Variants in ATP11A observed in about 807,000 individuals in gnomAD.
The protein encoded by ATP11A is phospholipid-transporting ATPase IH.
In ATP11A, 81 loss-of-function variants were observed where a neutral mutation model predicts 154.4. The observed-to-expected ratio is 0.52, with a 90% CI of 0.44 to 0.63. The LOEUF is 0.63. Among genes scored for constraint, ATP11A ranks in the 30% least tolerant of loss-of-function variants. The probability of loss-of-function intolerance (pLI) is 0.00; values close to 1 mark genes in which losing one functional copy is unlikely to be tolerated. For missense variants in ATP11A, 1,316 were observed against 1,474.3 expected (o/e 0.89, Z 1.76); for synonymous variants, 623 against 585.9 (o/e 1.06, Z -0.91).
chr13:112,772,395 A>T (rs73567138), intron 1 of ATP11A, among the ~76,000 whole-genome samples: 6,756 of 152,288 alleles, frequency 0.044, 471 homozygotes, highest in African/African-American at 0.15. Context: ...GCCTGTCGCG[A>T]GTGTGTAGGA....
rs776752208 is a variant in ATP11A, at chr13:112,851,111, G to A, written c.1884G>A (p.Leu628=). ...AATATGAAGGCATTTGTAAGCTGCT[G>A]CAGGCTGCCAAAGTGGCCCTTCAAG... is the stretch of plus-strand genomic sequence containing the variant. ...QEEYEGICKL[L]QAAKVALQDR... is the part of the protein sequence containing the mutation. The change falls in exon 18 of 30, where the codon CTG becomes CTA. Residue 628 remains leucine (L), a synonymous_variant. Transcript: ENST00000375645. The A allele has an allele frequency of 6.2e-7, 1 of 1,614,238 alleles. No homozygotes were observed. Among genetic ancestry groups the A allele is most frequent in the East Asian group, 2.2e-5 (1 of 44,888 alleles).
intron 1 of ATP11A, among the ~76,000 whole-genome samples, chr13:112,695,177 C>T (rs1006887588): frequency 6.6e-6 from 1 of 152,192 alleles, no homozygotes; most frequent in Non-Finnish European, 1.5e-5. Flanking sequence ...GGAGTCTACA[C>T]CACAGGAGCA....
chr13:112,882,318 T>A lies in ATP11A; in HGVS notation c.*452T>A. ...TGTGTCTTCACCCACCTGCCATCAT[T>A]GGCCTTTGCTGTCACTGGGAGAGAA... On this transcript the variant is annotated 3_prime_UTR_variant, in exon 30 of 30. Coordinates refer to ENST00000375645, the MANE Select transcript of ATP11A (RefSeq NM_015205.3). This position sits in a 1 kb window ranked among gnomAD's most constrained non-coding sequence, Gnocchi z 5.1. 1 of 381,208 alleles carries A rather than the reference T, an allele frequency of 2.6e-6. No homozygotes were observed. Among genetic ancestry groups the A allele is most frequent in the Non-Finnish European group, 4.9e-6 (1 of 204,484 alleles). The allele number at this position is 381,208 out of a possible 1,614,324, so 23.6% of individuals were successfully genotyped here.
chr13:112,775,906 G>C (rs962447946), intron 1 of ATP11A, among the ~76,000 whole-genome samples: 2 of 152,184 alleles, frequency 1.3e-5, no homozygotes, highest in East Asian at 1.9e-4. Flanking sequence ...AGAACAGCAA[G>C]TACGCCCCCG....
At chr13:112,774,036 C>T (rs566291995) in intron 1 of ATP11A, among the ~76,000 whole-genome samples, 2 of 152,332 alleles carry the variant, frequency 1.3e-5, no homozygotes, top group East Asian at 1.9e-4. Flanking sequence ...CCCTGCTTCC[C>T]GTCCACCTCA....
chr13:112,717,567 C>T (rs1006232242), intron 1 of ATP11A: 1 of 152,200 alleles, frequency 6.6e-6, no homozygotes, highest in Non-Finnish European at 1.5e-5. Context: ...TCACATTGTA[C>T]ATTACAAACA....
At chr13:112,734,573 C>T (rs375349876) in intron 1 of ATP11A, among the ~76,000 whole-genome samples, 28 of 152,208 alleles carry the variant, frequency 1.8e-4, no homozygotes, top group East Asian at 9.6e-4. Context: ...CTGACTGTAT[C>T]GGACTCAAAA....
chr13:112,881,497 G>A (rs199897071), intron 29 of ATP11A: 61 of 1,103,930 alleles, frequency 5.5e-5, no homozygotes, highest in East Asian at 5.1e-4. Flanking sequence ...GAGGAAGCTC[G>A]TAGGTTTCCC....
chr13:112,739,588 T>C (rs1254420301), intron 1 of ATP11A, among the ~76,000 whole-genome samples: 1 of 152,142 alleles, frequency 6.6e-6, no homozygotes, highest in Admixed American at 6.5e-5. Context: ...ATATGAAGAG[T>C]TACCAATATG....
rs1423905586 is a variant in ATP11A at position 112,824,244 on chromosome 13, C to T, written c.791-100C>T. Reference sequence around the variant, plus strand: ...CTTATGAAATTAAAAATAGGATTCGCTTTACCCAAGAATTGATTTTCCCCG... The same window carrying T: ...CTTATGAAATTAAAAATAGGATTCGTTTTACCCAAGAATTGATTTTCCCCG... On this transcript the variant is annotated intron_variant, in intron 9 of 29. Coordinates refer to ENST00000375645, the MANE Select transcript of ATP11A (RefSeq NM_015205.3). 3.3e-6 allele frequency: 3 copies of T among 913,692 alleles called. No homozygotes were observed. The Admixed American group carries it at 5.4e-5, about 16-fold the overall frequency. The allele number at this position is 913,692 out of a possible 1,614,324, so 56.6% of individuals were successfully genotyped here. A position where few individuals can be genotyped will look rare whatever the true frequency, so the allele number is the denominator to read the frequency against.
intron 2 of ATP11A, among the ~76,000 whole-genome samples, chr13:112,789,410 C>T (rs2077768210): frequency 6.8e-6 from 1 of 147,764 alleles, no homozygotes; most frequent in Non-Finnish European, 1.5e-5. Flanking sequence ...GACATGTAGA[C>T]CCCTGTGGAG....
intron 26 of ATP11A, among the ~76,000 whole-genome samples, chr13:112,872,448 T>TA (rs1188762421): frequency 2.0e-5 from 3 of 152,122 alleles, no homozygotes; most frequent in Non-Finnish European, 4.4e-5. Context: ...CCATCTTTAC[T>TA]AAAAACACAA....
At chr13:112,856,187 G>A (rs1200099138) in intron 20 of ATP11A, 102 bp downstream of exon 20, 1 of 1,172,786 alleles carries the variant, frequency 8.5e-7, no homozygotes, top group Non-Finnish European at 1.2e-6. Flanking sequence ...AATCTAGCAG[G>A]GTACCACCTG....
chr13:112,878,147 C>CCG (rs2080784828), intron 28 of ATP11A, 70 bp from the exon 29 acceptor site: 1 of 1,417,856 alleles, frequency 7.1e-7, no homozygotes, highest in Non-Finnish European at 1.0e-6. Flanking sequence ...CGTCTTCCGA[C>CCG]CGCTTTGCCT....
At chr13:112,718,742 C>T (rs957459126) in intron 1 of ATP11A, among the ~76,000 whole-genome samples, 7 of 149,564 alleles carry the variant, frequency 4.7e-5, no homozygotes, top group Admixed American at 1.3e-4. Flanking sequence ...ACGATCTTGG[C>T]TCACTGCAAC....
Position 112,696,477 on chromosome 13 carries a change from G to T in ATP11A, c.39+6022G>T, listed in dbSNP as rs548419231. 4.7e-3 allele frequency among the ~76,000 whole-genome samples: 713 copies of T among 152,186 alleles called. 6 individuals are homozygous for T. Among genetic ancestry groups the T allele is most frequent in the African/African-American group, 0.016 (679 of 41,532 alleles). On this transcript the variant is annotated intron_variant, in intron 1 of 29. Transcript: ENST00000375645. This position sits in a 1 kb window ranked among gnomAD's most constrained non-coding sequence, Gnocchi z 6.2. ...ACCCGTTCTGCCGAAGTCCAGTCCCGTGTGTGCTGCGGCCCCGTCTCTCTC... is the reference window on the plus strand; with the variant it reads ...ACCCGTTCTGCCGAAGTCCAGTCCCTTGTGTGCTGCGGCCCCGTCTCTCTC...
chr13:112,785,004 GC>G lies in ATP11A; in HGVS notation c.40-128del. On this transcript the variant is annotated intron_variant, in intron 1 of 29. Coordinates refer to ENST00000375645, the MANE Select transcript of ATP11A (RefSeq NM_015205.3). The surrounding 1 kb of genome is among the most constrained non-coding windows in gnomAD (Gnocchi z 4.8). ...GTGCTGGGCCCCAGGTCTCCCTGCA[GC>G]CCTGAACGATGCTCTCAGCAGCAGG... is the stretch of plus-strand genomic sequence containing the variant. 8.2e-7 allele frequency: 1 copy of G among 1,214,394 alleles called. No homozygotes were observed. Among genetic ancestry groups the G allele is most frequent in the Non-Finnish European group, 1.1e-6 (1 of 935,078 alleles). The allele number at this position is 1,214,394 out of a possible 1,614,324, so 75.2% of individuals were successfully genotyped here. A position where few individuals can be genotyped will look rare whatever the true frequency, so the allele number is the denominator to read the frequency against.
intron 5 of ATP11A, chr13:112,812,247 C>CG (rs1302375279): frequency 2.0e-5 from 3 of 152,098 alleles, no homozygotes; most frequent in African/African-American, 7.2e-5. Context: ...GTCAAGGTAG[C>CG]GGTCAGCAGC....
At chr13:112,791,382 C>T (rs905777722) in intron 2 of ATP11A, among the ~76,000 whole-genome samples, 4 of 152,232 alleles carry the variant, frequency 2.6e-5, no homozygotes, top group Non-Finnish European at 5.9e-5. Flanking sequence ...CTTCCTGGGG[C>T]GGAGCTCGCC....
Sources: gnomAD v4.1 joint callset for allele counts (sites outside exome capture counted in the v4.1 genomes callset) on GRCh38, gnomAD v4.1.1 for gene constraint, Gnocchi (gnomAD v3.1) non-coding constraint, MANE v1.5 for transcripts, NCBI Gene and HGNC (gene_info 2026-07-23, HGNC 2026-07-21) for gene names.